TEX14: variants seen among roughly 807,000 people sequenced by gnomAD.
TEX14 encodes inactive serine/threonine-protein kinase TEX14.
TEX14 carries 168 observed loss-of-function variants against 178.6 expected under a neutral mutation model. The ratio of observed to expected loss-of-function variants is 0.94; its 90% CI spans 0.83 to 1.07. The LOEUF (loss-of-function observed/expected upper bound fraction) is 1.07. TEX14 is among the 50% of genes least tolerant of loss of function. The pLI is 0.00. For synonymous variants in TEX14, 626 were observed against 634.1 expected (o/e 0.99, Z 0.19); for missense variants, 1,730 against 1,753.6 (o/e 0.99, Z 0.24).
chr17:58,571,224 ACTTTT>A (rs1332079793), intron 24 of TEX14, among the ~76,000 whole-genome samples: 1 of 138,228 alleles, frequency 7.2e-6, no homozygotes, highest in African/African-American at 2.7e-5. Flanking sequence ...AGGAACTTGT[ACTTTT>A]CTTTTCTTTT....
intron 28 of TEX14, chr17:58,564,195 A>C (rs1015168222): frequency 6.6e-6 from 1 of 152,204 alleles, no homozygotes; most frequent in Admixed American, 6.5e-5. Context: ...TATATATCCA[A>C]AAGAATTGAA....
At chr17:58,600,729 C>A (rs929868211) in intron 13 of TEX14, among the ~76,000 whole-genome samples, 10 of 152,040 alleles carry the variant, frequency 6.6e-5, no homozygotes, top group African/African-American at 2.4e-4. Context: ...GGTTACAGGG[C>A]CACTCTGGAG....
At chr17:58,656,763 AAAG>A (rs2143308661) in intron 1 of TEX14, among the ~76,000 whole-genome samples, 1 of 150,774 alleles carries the variant, frequency 6.6e-6, no homozygotes, top group Non-Finnish European at 1.5e-5. Context: ...AAAAAAAAAA[AAAG>A]AAAAAAATTG....
chr17:58,644,973 CT>C (rs918599875), intron 2 of TEX14, among the ~76,000 whole-genome samples: 11 of 142,704 alleles, frequency 7.7e-5, no homozygotes, highest in South Asian at 2.2e-4. Flanking sequence ...GAGTTGTATT[CT>C]TTTTTTTTTC....
At chr17:58,649,229 A>T (rs1348975547) in intron 2 of TEX14, among the ~76,000 whole-genome samples, 1 of 150,614 alleles carries the variant, frequency 6.6e-6, no homozygotes, top group Non-Finnish European at 1.5e-5. Context: ...ACAGGCACCC[A>T]CCACCACGCC....
chr17:58,665,675 G>A (rs969067097), intron 1 of TEX14, among the ~76,000 whole-genome samples: 2 of 151,890 alleles, frequency 1.3e-5, no homozygotes, highest in African/African-American at 4.8e-5. Context: ...TGATAGCAAG[G>A]TACAGCTTTA....
chr17:58,593,720 T>C lies in TEX14; in HGVS notation c.2470-59A>G. 3 of 1,350,352 alleles carry C rather than the reference T, an allele frequency of 2.2e-6. No individual in the cohort carries two copies. In the South Asian group the frequency reaches 3.5e-5, roughly 16 times the overall value. 83.6% of individuals were successfully genotyped at this position (1,350,352 alleles called of 1,614,324 possible). ...ATGAGAGAATTCCCACTCTCTTCACTGTCACACTATTTTCAAAGCCATTCT... is the reference window on the plus strand; with the variant it reads ...ATGAGAGAATTCCCACTCTCTTCACCGTCACACTATTTTCAAAGCCATTCT... On this transcript the variant is annotated intron_variant, in intron 14 of 31. Coordinates refer to ENST00000349033, the MANE Select transcript of TEX14 (RefSeq NM_031272.5).
At chr17:58,566,249 C>A (rs1367285630) in intron 26 of TEX14, among the ~76,000 whole-genome samples, 1 of 152,198 alleles carries the variant, frequency 6.6e-6, no homozygotes, top group Non-Finnish European at 1.5e-5. Context: ...TTAATCTTCA[C>A]AACAACCCTC....
At chr17:58,559,603 A>G in intron 29 of TEX14, 41 bp from the exon 30 acceptor site, 1 of 950,744 alleles carries the variant, frequency 1.1e-6, no homozygotes. Flanking sequence ...CGTATACACA[A>G]CAGCCAAGAA....
intron 1 of TEX14, chr17:58,661,570 C>T (rs2047111844): frequency 1.4e-6 from 1 of 737,920 alleles, no homozygotes; most frequent in Non-Finnish European, 2.5e-6. Flanking sequence ...GCCGCGGCGG[C>T]GGCAGGAACT....
chr17:58,566,798 CAAA>C (rs755657065), intron 26 of TEX14, among the ~76,000 whole-genome samples: 5 of 65,154 alleles, frequency 7.7e-5, no homozygotes, highest in African/African-American at 1.2e-4. Flanking sequence ...GACTCTGTCT[CAAA>C]AAAAAAAAAA....
intron 23 of TEX14, among the ~76,000 whole-genome samples, chr17:58,572,962 C>T (rs1171353134): frequency 1.3e-5 from 2 of 152,248 alleles, no homozygotes; most frequent in Non-Finnish European, 2.9e-5. Context: ...TTTACCACTG[C>T]AGTTCTAACC....
intron 4 of TEX14, 83 bp downstream of exon 4, chr17:58,622,764 G>A (rs747027574): frequency 3.0e-5 from 41 of 1,373,338 alleles, no homozygotes; most frequent in Middle Eastern, 2.7e-4. Flanking sequence ...GCCACTGTAC[G>A]CTCTGTGCTG....
chr17:58,685,399 G>C (rs1259064813), intron 1 of TEX14, among the ~76,000 whole-genome samples: 1 of 150,250 alleles, frequency 6.7e-6, no homozygotes, highest in Non-Finnish European at 1.5e-5. Context: ...TCACACCACC[G>C]CACTCCAGCC....
intron 24 of TEX14, among the ~76,000 whole-genome samples, chr17:58,571,235 CTTTT>C (rs11456555): frequency 2.4e-5 from 3 of 127,230 alleles, no homozygotes; most frequent in Non-Finnish European, 3.2e-5. Flanking sequence ...CTTTTCTTTT[CTTTT>C]TTTTTTTTTT....
intron 28 of TEX14, among the ~76,000 whole-genome samples, chr17:58,561,815 G>A (rs1262337034): frequency 6.6e-6 from 1 of 152,214 alleles, no homozygotes; most frequent in East Asian, 1.9e-4. Context: ...GTCGGGTGTG[G>A]TGGCTCACAT....
intron 24 of TEX14, among the ~76,000 whole-genome samples, chr17:58,571,550 T>A (rs2044529444): frequency 6.6e-6 from 1 of 151,880 alleles, no homozygotes; most frequent in East Asian, 1.9e-4. Flanking sequence ...AACTTGTAGT[T>A]TTCCTGACTA....
chr17:58,631,626 A>AAAAAAAAACCC (rs2046298087), intron 2 of TEX14: 1 of 151,862 alleles, frequency 6.6e-6, no homozygotes, highest in South Asian at 2.1e-4. Flanking sequence ...CATCTGAAAA[A>AAAAAAAAACCC]AAAAAAAACC....
chr17:58,666,458 C>A (rs1238978070), intron 1 of TEX14: 2 of 36,834 alleles, frequency 5.4e-5, no homozygotes, highest in African/African-American at 2.1e-4. Context: ...CCTTCCACGG[C>A]AAAAAAAAAA....
Sources: allele counts gnomAD v4.1 joint callset (sites outside exome capture counted in the v4.1 genomes callset), GRCh38; gene constraint gnomAD v4.1.1; transcripts MANE v1.5; gene names NCBI Gene and HGNC (gene_info 2026-07-23, HGNC 2026-07-21).